CD163L1: variants seen among roughly 807,000 people sequenced by gnomAD.
The protein encoded by CD163L1 is scavenger receptor cysteine-rich type 1 protein M160.
Under a neutral mutation model 165.4 loss-of-function variants are expected in CD163L1, and 124 were observed. The ratio of observed to expected loss-of-function variants is 0.75; its 90% confidence interval spans 0.65 to 0.87. CD163L1 has a LOEUF of 0.87. Ranked by LOEUF, CD163L1 falls within the 40% of genes least tolerant of loss-of-function variation. CD163L1 has a pLI of 0.00. For synonymous variants in CD163L1, 585 were observed against 662.2 expected (o/e 0.88, Z 1.79); for missense variants, 1,525 against 1,799.9 (o/e 0.85, Z 2.76).
In CD163L1 at chr12:7,369,004, A is replaced by G; in HGVS notation, c.4040-39T>C. On this transcript the variant is annotated intron_variant, in intron 15 of 19. Transcript: ENST00000313599. The surrounding 1 kb of genome is among the most constrained non-coding windows in gnomAD (Gnocchi z 4.9). Reference sequence around the variant, plus strand: ...AGAGAGAGAGAGACGTAAATGAACGAAAAGGAACTGGGTATTTCTTTTTAC... The same window carrying G: ...AGAGAGAGAGAGACGTAAATGAACGGAAAGGAACTGGGTATTTCTTTTTAC... 6.2e-7 allele frequency: 1 copy of G among 1,603,434 alleles called. No individual in the cohort carries two copies. The highest frequency in any genetic ancestry group is 8.5e-7 in the Non-Finnish European group (1 of 1,172,872).
In CD163L1 at chr12:7,368,891, C is replaced by A. The variant is rs752036295; in HGVS notation, c.4072+42G>T. The A allele has an allele frequency of 2.5e-6, 4 of 1,606,670 alleles. No homozygotes were observed. The highest frequency in any genetic ancestry group is 1.7e-5 in the Admixed American group (1 of 59,934). On this transcript the variant is annotated intron_variant, in intron 16 of 19. Coordinates refer to ENST00000313599, the MANE Select transcript of CD163L1 (RefSeq NM_174941.6). This position sits in a 1 kb window ranked among gnomAD's most constrained non-coding sequence, Gnocchi z 4.3. ...TGCCCTCCCTTGACCTTCCATGTAG[C>A]CTTAGGTATTTGTGTCAGCACTGAT...
At chr12:7,412,978 C>T (rs183753442) in intron 4 of CD163L1, among the ~76,000 whole-genome samples, 1 of 151,470 alleles carries the variant, frequency 6.6e-6, no homozygotes, top group Admixed American at 6.6e-5. Context: ...TGCCTATAAT[C>T]CCAGCCACTC....
At chr12:7,401,443 G>T (rs1224877204) in intron 6 of CD163L1, among the ~76,000 whole-genome samples, 1 of 151,656 alleles carries the variant, frequency 6.6e-6, no homozygotes, top group Non-Finnish European at 1.5e-5. Context: ...ATGTATCCAA[G>T]ACTTTAAAAA....
Position 7,373,526 on chromosome 12 carries a change from G to A in CD163L1, c.3524C>T (p.Ala1175Val). The change falls in exon 14 of 20, where the codon GCC becomes GTC. Residue 1175 changes from alanine (A) to valine (V), a missense_variant. Transcript: ENST00000313599. ...GSVGRRNITTAIAGIVCRQLG... is the reference protein window; with the variant it reads ...GSVGRRNITTVIAGIVCRQLG... ...CTGCCTGCACACAATGCCTGCTATG[G>A]CTGTGGTGATGTTCCTCCTGCCGAC... 6.2e-7 allele frequency: 1 copy of A among 1,614,220 alleles called. No homozygotes were observed. Among genetic ancestry groups the A allele is most frequent in the Non-Finnish European group, 8.5e-7 (1 of 1,180,036 alleles).
the CD163L1 span, chr12:7,324,397 C>T: frequency 6.2e-7 from 1 of 1,614,100 alleles, no homozygotes; most frequent in South Asian, 1.1e-5. Context: ...ATTATATCCT[C>T]TGGGTTTGTA....
At chr12:7,331,014 G>A in the CD163L1 span, among the ~76,000 whole-genome samples, 4 of 152,208 alleles carry the variant, frequency 2.6e-5, no homozygotes, top group African/African-American at 9.7e-5. Context: ...AGCAAAAGGG[G>A]TCAGGGAAGT....
chr12:7,379,038 G>T lies in CD163L1; in HGVS notation c.2311C>A (p.Arg771=), dbSNP rs766981681. 6.2e-7 allele frequency: 1 copy of T among 1,613,910 alleles called. No homozygotes were observed. The highest frequency in any genetic ancestry group is 8.5e-7 in the Non-Finnish European group (1 of 1,179,962). Residue 771 remains arginine, a synonymous_variant, in exon 9 of 20, where the codon CGA becomes AGA. Transcript: ENST00000313599. ...CACGCAGTCTGTTTCCACTCCCATC[G>T]TATACAATCCCAGAGAGAGGCTTCC... ...GGEASLWDCI[R]WEWKQTACHL...
chr12:7,425,780 A>T (rs1399931726), intron 4 of CD163L1, among the ~76,000 whole-genome samples: 2 of 152,212 alleles, frequency 1.3e-5, no homozygotes, highest in African/African-American at 4.8e-5. Flanking sequence ...AATGAGATAC[A>T]TCTCACACCA....
intron 4 of CD163L1, among the ~76,000 whole-genome samples, chr12:7,421,888 G>A (rs1274554770): frequency 6.6e-6 from 1 of 151,942 alleles, no homozygotes; most frequent in East Asian, 1.9e-4. Context: ...ATGGAGAATA[G>A]AGCAGCAGAT....
At chr12:7,409,326 AC>A (rs1948087805) in intron 4 of CD163L1, among the ~76,000 whole-genome samples, 1 of 152,056 alleles carries the variant, frequency 6.6e-6, no homozygotes, top group South Asian at 2.1e-4. Flanking sequence ...ACCAAAGGAG[AC>A]CCTCAATAAC....
At chr12:7,324,375 G>A in the CD163L1 span, 1 of 1,614,132 alleles carries the variant, frequency 6.2e-7, no homozygotes, top group South Asian at 1.1e-5. Context: ...TGTCGGCAGA[G>A]CTGATGATGT....
intron 4 of CD163L1, among the ~76,000 whole-genome samples, chr12:7,412,758 A>C (rs1358495333): frequency 6.6e-6 from 1 of 152,120 alleles, no homozygotes; most frequent in Non-Finnish European, 1.5e-5. Context: ...ACAACCATTT[A>C]TGAGTGAAAA....
rs534602397 is a variant in CD163L1, at chr12:7,380,912, A to G, written c.2051-1614T>C. Among the ~76,000 whole-genome samples the G allele has an allele frequency of 3.6e-3, 542 of 152,262 alleles. 2 individuals are homozygous for G. The highest frequency in any genetic ancestry group is 5.8e-3 in the Non-Finnish European group (397 of 67,996). ...AAATGAAATGAATCTCATTCTAGAA[A>G]GGTTACTTTATCTTTTTAGGGCAGT... On this transcript the variant is annotated intron_variant, in intron 8 of 19. Coordinates refer to ENST00000313599, the MANE Select transcript of CD163L1 (RefSeq NM_174941.6).
intron 8 of CD163L1, among the ~76,000 whole-genome samples, chr12:7,391,667 T>C (rs1222794169): frequency 1.3e-5 from 2 of 152,048 alleles, no homozygotes; most frequent in Non-Finnish European, 2.9e-5. Flanking sequence ...CAGTGTGCTG[T>C]ATTCAGGAGA....
At chr12:7,441,455 A>G (rs1018501034) in intron 1 of CD163L1, among the ~76,000 whole-genome samples, 1 of 152,216 alleles carries the variant, frequency 6.6e-6, no homozygotes, top group Non-Finnish European at 1.5e-5. Context: ...GTGGTTTGTA[A>G]CAGGGCAGAT....
rs1315425126 is a variant in CD163L1 at position 7,440,846 on chromosome 12, C to T, written c.124+308G>A. The stretch of plus-strand genomic sequence containing the variant: ...TTCACTGTGTTGGCCAGGCTGGTCT[C>T]GAACTCCTGACCTCAGGTGATCTCC... On this transcript the variant is annotated intron_variant, in intron 2 of 19. Transcript: ENST00000313599. Among the ~76,000 whole-genome samples the T allele has an allele frequency of 7.9e-5, 12 of 152,108 alleles. 1 individual carries two copies. The highest frequency in any genetic ancestry group is 6.5e-4 in the Admixed American group (10 of 15,286).
chr12:7,340,411 C>G, the CD163L1 span, among the ~76,000 whole-genome samples: 2 of 152,108 alleles, frequency 1.3e-5, no homozygotes, highest in African/African-American at 2.4e-5. Context: ...CAGAATGTCT[C>G]TCCAAACACT....
chr12:7,444,138 T>C lies in CD163L1; in HGVS notation c.-11A>G. 6.2e-7 allele frequency: 1 copy of C among 1,613,720 alleles called. No homozygotes were observed. Among genetic ancestry groups the C allele is most frequent in the Non-Finnish European group, 8.5e-7 (1 of 1,179,728 alleles). ...TTGAGGCAGCATCATTATGGGTCTA[T>C]CTCTTCCTGAGTCCTGATGTAACTC... On this transcript the variant is annotated 5_prime_UTR_variant, in exon 1 of 20. Coordinates refer to ENST00000313599, the MANE Select transcript of CD163L1 (RefSeq NM_174941.6).
intron 4 of CD163L1, among the ~76,000 whole-genome samples, chr12:7,410,659 G>A (rs767930171): frequency 6.1e-4 from 85 of 139,748 alleles, no homozygotes; most frequent in African/African-American, 1.9e-3. Context: ...GTGAAACCCC[G>A]TCTCCACTAA....
Sources: gnomAD v4.1 joint callset for allele counts (sites outside exome capture counted in the v4.1 genomes callset) on GRCh38, gnomAD v4.1.1 for gene constraint, Gnocchi (gnomAD v3.1) non-coding constraint, MANE v1.5 for transcripts, NCBI Gene and HGNC (gene_info 2026-07-23, HGNC 2026-07-21) for gene names.